The following CFAP46 variants were observed in gnomAD, a reference collection of about 807,000 sequenced individuals.
CFAP46 encodes the protein cilia and flagella associated protein 46, also known as cilia- and flagella-associated protein 46.
In CFAP46, 245 loss-of-function variants were observed where a neutral mutation model predicts 325.7. The ratio of observed to expected loss-of-function variants is 0.75; its 90% confidence interval spans 0.68 to 0.84. The LOEUF (loss-of-function observed/expected upper bound fraction) is 0.84, where lower values mean the gene tolerates loss of function less well. Ranked by LOEUF, CFAP46 falls within the 40% of genes least tolerant of loss-of-function variation. CFAP46 has a pLI of 0.00. For missense variants in CFAP46, 3,346 were observed against 3,543.0 expected (o/e 0.94, Z 1.41); for synonymous variants, 1,523 against 1,495.9 (o/e 1.02, Z -0.42).
At chr10:132,899,909 C>T (rs1231152774) in intron 22 of CFAP46, among the ~76,000 whole-genome samples, 1 of 152,184 alleles carries the variant, frequency 6.6e-6, no homozygotes, top group Non-Finnish European at 1.5e-5. Flanking sequence ...GGAGTGCCCA[C>T]GTGTGGCCTG....
rs761006686 is a variant in CFAP46, at chr10:132,899,497, A to G, written c.3056+38T>C. 3.2e-5 allele frequency: 49 copies of G among 1,518,020 alleles called. 1 individual carries two copies. Among genetic ancestry groups the G allele is most frequent in the Non-Finnish European group, 6.2e-6 (7 of 1,130,816 alleles). The allele number at this position is 1,518,020 out of a possible 1,614,324, so 94.0% of individuals were successfully genotyped here. Reference sequence around the variant, plus strand: ...GCACAGGGGTCCCGCACGGCCGGGGAGGGACAGAGCCCACCCCAGCCCCTT... The same window carrying G: ...GCACAGGGGTCCCGCACGGCCGGGGGGGGACAGAGCCCACCCCAGCCCCTT... On this transcript the variant is annotated intron_variant, in intron 23 of 57. Coordinates refer to ENST00000368586, the MANE Select transcript of CFAP46 (RefSeq NM_001200049.3).
At chr10:132,879,839 C>G (rs1849012757) in intron 28 of CFAP46, among the ~76,000 whole-genome samples, 1 of 152,188 alleles carries the variant, frequency 6.6e-6, no homozygotes. Flanking sequence ...CCCCTCACCC[C>G]CAGGGGCAGT....
chr10:132,879,656 GA>G lies in CFAP46; in HGVS notation c.3800-26del, dbSNP rs542716337. On this transcript the variant is annotated intron_variant, in intron 28 of 57. Transcript: ENST00000368586. The stretch of plus-strand genomic sequence containing the variant: ...CCTGAAACACGGGGTGCCCGAGGCT[GA>G]GAGCAGGCCCGGCTACGGGTCTGTG... 1.1e-4 allele frequency: 158 copies of G among 1,484,066 alleles called. 1 individual carries two copies. The East Asian group carries it at 3.9e-3, about 36-fold the overall frequency. The allele number at this position is 1,484,066 out of a possible 1,614,324, so 91.9% of individuals were successfully genotyped here.
At chr10:132,937,377 TG>T (rs754919735) in intron 6 of CFAP46, 174 bp downstream of exon 6, 2 of 719,362 alleles carry the variant, frequency 2.8e-6, no homozygotes, top group Non-Finnish European at 4.5e-6. Context: ...TATACATCTT[TG>T]CATTGGATGA....
intron 24 of CFAP46, among the ~76,000 whole-genome samples, chr10:132,894,051 C>T (rs1285355661): frequency 6.6e-6 from 1 of 152,174 alleles, no homozygotes; most frequent in Admixed American, 6.5e-5. Flanking sequence ...GAGGTTGCTG[C>T]AGCCCCCTGA....
chr10:132,844,614 G>A (rs1229926461), intron 44 of CFAP46, among the ~76,000 whole-genome samples: 1 of 152,162 alleles, frequency 6.6e-6, no homozygotes, highest in Non-Finnish European at 1.5e-5. Flanking sequence ...CCCCATCGTG[G>A]TGACTGATGG....
At chr10:132,908,153 G>C (rs993552282) in intron 22 of CFAP46, among the ~76,000 whole-genome samples, 1 of 152,264 alleles carries the variant, frequency 6.6e-6, no homozygotes, top group African/African-American at 2.4e-5. Flanking sequence ...GCACGGGGCC[G>C]GCAGGACGGA....
intron 17 of CFAP46, among the ~76,000 whole-genome samples, chr10:132,916,299 T>TC (rs1186388906): frequency 1.4e-4 from 21 of 152,206 alleles, no homozygotes; most frequent in East Asian, 3.9e-4. Context: ...CCTGAACGTT[T>TC]CCTCGTAGTA....
At chr10:132,936,508 C>G (rs1389274835) in intron 7 of CFAP46, among the ~76,000 whole-genome samples, 1 of 145,346 alleles carries the variant, frequency 6.9e-6, no homozygotes, top group Non-Finnish European at 1.5e-5. Flanking sequence ...TCACTCCCCT[C>G]GGCCCCCAAA....
Position 132,910,003 on chromosome 10 carries a change from G to T in CFAP46, c.2565C>A (p.Thr855=). ...CCCAGGTGGCGATAAGCTGCTGCCG[G>T]GTGCCGGTGGGCACCGTCTCCTCGG... The part of the protein sequence containing the change: ...SAPEETVPTG[T]RQQLIATWVK... Residue 855 remains threonine (T), a synonymous_variant, in exon 20 of 58, where the codon ACC becomes ACA. Coordinates refer to ENST00000368586, the MANE Select transcript of CFAP46 (RefSeq NM_001200049.3). The T allele has an allele frequency of 1.9e-6, 3 of 1,542,858 alleles. No individual in the cohort carries two copies. The highest frequency in any genetic ancestry group is 2.6e-6 in the Non-Finnish European group (3 of 1,144,086).
chr10:132,934,827 C>T lies in CFAP46; in HGVS notation c.791G>A (p.Ser264Asn), dbSNP rs12781609. Residue 264 changes from serine (S) to asparagine (N), a missense_variant, in exon 8 of 58, where the codon AGT becomes AAT. Physicochemically the swap from Ser to Asn is conservative, Grantham distance 46 (BLOSUM62 1). Coordinates refer to ENST00000368586, the MANE Select transcript of CFAP46 (RefSeq NM_001200049.3). ...AEQNDLPGDISVILRKAYRHL... is the reference protein window; with the variant it reads ...AEQNDLPGDINVILRKAYRHL... ...TCTGTAGGCCTTCCTCAGAATGACACTGATGTCACCTGGTAAATCATTTTG... is the reference window on the plus strand; with the variant it reads ...TCTGTAGGCCTTCCTCAGAATGACATTGATGTCACCTGGTAAATCATTTTG... The T allele has an allele frequency of 0.38, 617,363 of 1,606,964 alleles. 120,859 individuals carry two copies. The highest frequency in any genetic ancestry group is 0.56 in the Admixed American group (33,522 of 59,960).
chr10:132,854,016 C>A (rs1848601783), intron 39 of CFAP46, among the ~76,000 whole-genome samples: 1 of 152,032 alleles, frequency 6.6e-6, no homozygotes, highest in South Asian at 2.1e-4. Context: ...TGATCGATTG[C>A]CCCTCAGATC....
chr10:132,810,693 CG>C, intron 56 of CFAP46: 1 of 730,820 alleles, frequency 1.4e-6, no homozygotes, highest in East Asian at 2.7e-5. Flanking sequence ...GCCGCCTCAA[CG>C]GGCTCCTCCA....
rs945333133 is a variant in CFAP46, at chr10:132,922,624, C to T, written c.1341G>A (p.Glu447=). 2.2e-5 allele frequency: 34 copies of T among 1,549,630 alleles called. No individual in the cohort carries two copies. Among genetic ancestry groups the T allele is most frequent in the African/African-American group, 4.1e-5 (3 of 73,070 alleles). Residue 447 remains glutamate (E), a synonymous_variant, in exon 12 of 58, where the codon GAG becomes GAA. Coordinates refer to ENST00000368586, the MANE Select transcript of CFAP46 (RefSeq NM_001200049.3). ...CCAGGCGCGCGGCTTTCCGGAGGTG[C>T]TCCGTGGCGGGCTCCAGCCGGTCCT... ...EDEDRLEPAT[E]HLRKAARLDS... is the part of the protein sequence containing the mutation.
chr10:132,822,620 TGA>T (rs1190426914), intron 50 of CFAP46, among the ~76,000 whole-genome samples: 1 of 141,850 alleles, frequency 7.0e-6, no homozygotes, highest in Non-Finnish European at 1.5e-5. Flanking sequence ...GTGTGTTGTG[TGA>T]GTGCTGATGT....
intron 35 of CFAP46, among the ~76,000 whole-genome samples, chr10:132,865,257 G>A (rs369903396): frequency 8.5e-5 from 13 of 152,326 alleles, no homozygotes; most frequent in East Asian, 1.9e-4. Flanking sequence ...AAAAGCACCC[G>A]TGGGCCTCCA....
chr10:132,866,300 TG>T (rs1219201438), intron 34 of CFAP46, 129 bp from the exon 35 acceptor site: 2 of 1,021,800 alleles, frequency 2.0e-6, no homozygotes, highest in East Asian at 3.2e-5. Context: ...GGCTCCCTGC[TG>T]GCCTAGGCAC....
rs2135674622 is a variant in CFAP46, at chr10:132,929,766, G to A, written c.905C>T (p.Thr302Ile). 1.2e-6 allele frequency: 2 copies of A among 1,611,672 alleles called. No individual in the cohort carries two copies. Among genetic ancestry groups the A allele is most frequent in the African/African-American group, 2.7e-5 (2 of 74,934 alleles). Residue 302 changes from threonine (T) to isoleucine (I), a missense_variant, in exon 9 of 58, where the codon ACC (threonine) becomes ATC (isoleucine). Transcript: ENST00000368586. ...LLFELARFSL[T>I]LKCMEISSAC... is the part of the protein sequence containing the mutation. ...AGAGGAGATCTCCATGCATTTCAAG[G>A]TCAAGGAAAAACGCGCCAATTCAAA...
chr10:132,834,858 G>A (rs1307311681), intron 47 of CFAP46, 83 bp from the exon 48 acceptor site: 14 of 1,497,428 alleles, frequency 9.3e-6, no homozygotes, highest in Non-Finnish European at 1.2e-5. Flanking sequence ...CTGCAGAAAG[G>A]CCGAGCTCCT....
Sources: allele counts gnomAD v4.1 joint callset (sites outside exome capture counted in the v4.1 genomes callset), GRCh38; gene constraint gnomAD v4.1.1; transcripts MANE v1.5; gene names NCBI Gene and HGNC (gene_info 2026-07-23, HGNC 2026-07-21).